ORC4: variants seen among roughly 807,000 people sequenced by gnomAD.
ORC4 encodes origin recognition complex, subunit 4 homolog.
ORC4 carries 55 observed loss-of-function variants against 63.9 expected under a neutral mutation model. The ratio of observed to expected loss-of-function variants is 0.86; its 90% confidence interval spans 0.69 to 1.08. The LOEUF is 1.08. Among genes scored for constraint, ORC4 ranks in the 50% least tolerant of loss-of-function variants. The pLI is 0.00. For synonymous variants in ORC4, 150 were observed against 168.5 expected, an observed-to-expected ratio of 0.89 and a Z score of 0.85; for missense variants, 511 against 504.4, an observed-to-expected ratio of 1.01 and a Z score of -0.13.
chr2:148,004,926 G>A (rs1182220642), intron 1 of ORC4, among the ~76,000 whole-genome samples: 5 of 152,124 alleles, frequency 3.3e-5, no homozygotes, highest in Non-Finnish European at 1.5e-5. Flanking sequence ...GAGAGGATGT[G>A]GAAAAACAGG....
chr2:147,985,353 T>G (rs971821954), intron 1 of ORC4, among the ~76,000 whole-genome samples: 1 of 152,148 alleles, frequency 6.6e-6, no homozygotes, highest in South Asian at 2.1e-4. Flanking sequence ...CCTGCCACCA[T>G]GCCCGGCTAA....
chr2:147,954,057 T>C (rs987725393), intron 7 of ORC4, among the ~76,000 whole-genome samples: 7 of 150,536 alleles, frequency 4.7e-5, no homozygotes, highest in African/African-American at 1.5e-4. Context: ...AAATTACAAA[T>C]ATATATATAT....
intron 9 of ORC4, among the ~76,000 whole-genome samples, chr2:147,947,035 T>A (rs1688694970): frequency 1.3e-5 from 2 of 152,012 alleles, no homozygotes; most frequent in African/African-American, 4.8e-5. Flanking sequence ...CAAACAATAA[T>A]CATTTAAAGA....
At chr2:147,939,028 A>C (rs1688218069) in intron 11 of ORC4, 112 bp downstream of exon 11, 2 of 720,052 alleles carry the variant, frequency 2.8e-6, no homozygotes, top group Non-Finnish European at 5.0e-6. Flanking sequence ...TATGGATACG[A>C]AAGTATTTTA....
At chr2:147,985,365 T>G (rs981641305) in intron 1 of ORC4, among the ~76,000 whole-genome samples, 14 of 151,934 alleles carry the variant, frequency 9.2e-5, no homozygotes, top group Non-Finnish European at 1.8e-4. Context: ...CCCGGCTAAT[T>G]TTTTGTATTT....
chr2:148,020,131 T>TC (rs1693607353), intron 1 of ORC4, among the ~76,000 whole-genome samples: 1 of 151,974 alleles, frequency 6.6e-6, no homozygotes, highest in East Asian at 1.9e-4. Flanking sequence ...ACTCAAGACT[T>TC]CCCTGCCTGC....
rs369266884 is a variant in ORC4, at chr2:147,974,105, T to C, written c.58-581A>G. On this transcript the variant is annotated intron_variant, in intron 2 of 13. Transcript: ENST00000392857. Reference sequence around the variant, plus strand: ...GACAGCATGGAACTAATCCTTCATGTACCAAAGAAGTAAATCTGAGTTCTT... The same window carrying C: ...GACAGCATGGAACTAATCCTTCATGCACCAAAGAAGTAAATCTGAGTTCTT... 6.0e-4 allele frequency among the ~76,000 whole-genome samples: 91 copies of C among 152,312 alleles called. 2 individuals carry two copies. The highest frequency in any genetic ancestry group is 2.1e-3 in the African/African-American group (88 of 41,574).
chr2:148,019,791 T>C (rs892721707), intron 1 of ORC4, among the ~76,000 whole-genome samples: 15 of 152,236 alleles, frequency 9.9e-5, no homozygotes, highest in African/African-American at 3.6e-4. Context: ...TGTTTCACTA[T>C]AAAAGCTTTA....
chr2:147,987,386 A>G (rs1282619766), intron 1 of ORC4, among the ~76,000 whole-genome samples: 138 of 141,580 alleles, frequency 9.7e-4, no homozygotes, highest in Middle Eastern at 3.5e-3. Flanking sequence ...GTGTGTGTAT[A>G]TATATACACA....
At chr2:147,995,135 A>G (rs368980163) in intron 1 of ORC4, among the ~76,000 whole-genome samples, 1 of 151,852 alleles carries the variant, frequency 6.6e-6, no homozygotes, top group South Asian at 2.1e-4. Flanking sequence ...TGCACCAATC[A>G]GCACTCTGTA....
intron 1 of ORC4, among the ~76,000 whole-genome samples, chr2:147,978,368 G>A (rs1427584486): frequency 2.6e-5 from 4 of 152,186 alleles, no homozygotes; most frequent in Admixed American, 2.6e-4. Flanking sequence ...TGTACTGATG[G>A]CACAGACAGG....
rs765268447 is a variant in ORC4, at chr2:147,948,180, A to C, written c.633T>G (p.Ser211=). The C allele has an allele frequency of 6.2e-7, 1 of 1,610,400 alleles. No individual in the cohort carries two copies. The highest frequency in any genetic ancestry group is 8.5e-7 in the Non-Finnish European group (1 of 1,177,626). ...AATTCATTAAGTGTATCTGCCGGTG[A>C]GAAAATCTTGACTTCACTCTTTTTT... ...LLEKRVKSRF[S]HRQIHLMNSF... Residue 211 remains serine, a synonymous_variant, in exon 9 of 14, where the codon TCT becomes TCG. Transcript: ENST00000392857.
intron 1 of ORC4, 57 bp from the exon 2 acceptor site, chr2:147,976,032 G>A: frequency 1.2e-6 from 1 of 868,030 alleles, no homozygotes; most frequent in Non-Finnish European, 2.0e-6. Flanking sequence ...GATTACTTAA[G>A]AATTTACTGT....
At chr2:148,001,581 G>A (rs538855584) in intron 1 of ORC4, among the ~76,000 whole-genome samples, 83 of 152,218 alleles carry the variant, frequency 5.5e-4, no homozygotes, top group African/African-American at 1.9e-3. Flanking sequence ...TCACCACCAG[G>A]CCTGCCTTAC....
At chr2:148,010,173 C>T (rs997998959) in intron 1 of ORC4, among the ~76,000 whole-genome samples, 3 of 151,930 alleles carry the variant, frequency 2.0e-5, no homozygotes, top group African/African-American at 7.2e-5. Flanking sequence ...CCTACTAAAA[C>T]TTATGAGATA....
chr2:147,992,964 T>G (rs1469658759), intron 1 of ORC4, among the ~76,000 whole-genome samples: 1 of 152,202 alleles, frequency 6.6e-6, no homozygotes, highest in Non-Finnish European at 1.5e-5. Flanking sequence ...TGACCTATTC[T>G]GTTTGATTGT....
At position 147,977,876 on chromosome 2, in the gene ORC4, AC is replaced by A. The variant is rs530568722; in HGVS notation, c.-17-1902del. On this transcript the variant is annotated intron_variant, in intron 1 of 13. Transcript: ENST00000392857. Reference sequence around the variant, plus strand: ...TTAACAGGCAGTACTGCCCTAGTCCACAGCTGAGTGGGGCTGGAACTAAGCT... The same window carrying A: ...TTAACAGGCAGTACTGCCCTAGTCCAAGCTGAGTGGGGCTGGAACTAAGCT... Among the ~76,000 whole-genome samples, 442 of 152,290 alleles carry A rather than the reference AC, an allele frequency of 2.9e-3. 1 individual carries two copies. Among genetic ancestry groups the A allele is most frequent in the Admixed American group, 4.5e-3 (69 of 15,294 alleles).
At position 147,971,998 on chromosome 2, in the gene ORC4, A is replaced by G. The variant is rs147979526; in HGVS notation, c.225+741T>C. Among the ~76,000 whole-genome samples, 108 of 152,220 alleles carry G rather than the reference A, an allele frequency of 7.1e-4. 1 individual carries two copies. In the East Asian group the frequency reaches 0.02, roughly 28 times the overall value. On this transcript the variant is annotated intron_variant, in intron 4 of 13. Transcript: ENST00000392857. ...CTTCTCATCCATTTTTTTAAAGTAC[A>G]TTGGTCAAAAATTGAAATTTATTGT...
intron 1 of ORC4, among the ~76,000 whole-genome samples, chr2:148,006,030 T>A (rs1377605328): frequency 6.6e-6 from 1 of 151,640 alleles, no homozygotes; most frequent in Non-Finnish European, 1.5e-5. Flanking sequence ...CAAAATCAGG[T>A]GAGTAATCAC....
Sources: gnomAD v4.1 joint callset for allele counts (sites outside exome capture counted in the v4.1 genomes callset) on GRCh38, gnomAD v4.1.1 for gene constraint, MANE v1.5 for transcripts, NCBI Gene and HGNC (gene_info 2026-07-23, HGNC 2026-07-21) for gene names.